The following PPFIBP1 variants were observed in gnomAD, a reference collection of about 807,000 sequenced individuals.
PPFIBP1 encodes liprin-beta-1.
In PPFIBP1, 112 loss-of-function variants were observed where a neutral mutation model predicts 137.8. That is an observed-to-expected ratio of 0.81 (90% confidence interval 0.70 to 0.95). The LOEUF is 0.95. PPFIBP1 is among the 40% of genes least tolerant of loss of function. The probability of loss-of-function intolerance (pLI) is 0.00; values close to 1 mark genes in which losing one functional copy is unlikely to be tolerated. For missense variants in PPFIBP1, 1,083 were observed against 1,196.6 expected, an observed-to-expected ratio of 0.91 and a Z score of 1.40; for synonymous variants, 378 against 417.3, an observed-to-expected ratio of 0.91 and a Z score of 1.15.
At chr12:27,676,743 A>T in intron 18 of PPFIBP1, 144 bp downstream of exon 18, 1 of 831,852 alleles carries the variant, frequency 1.2e-6, no homozygotes, top group Middle Eastern at 2.9e-4. Flanking sequence ...TTTAGCAAAA[A>T]ATGCCTCCGT....
chr12:27,690,422 A>C (rs991061416), intron 27 of PPFIBP1, among the ~76,000 whole-genome samples: 1 of 152,226 alleles, frequency 6.6e-6, no homozygotes, highest in Non-Finnish European at 1.5e-5. Context: ...CTGAGGGTCC[A>C]AGGTTCATGT....
chr12:27,528,577 C>T (rs1265028150), intron 1 of PPFIBP1, among the ~76,000 whole-genome samples: 1 of 152,106 alleles, frequency 6.6e-6, no homozygotes, highest in Non-Finnish European at 1.5e-5. Flanking sequence ...CTACAAAATA[C>T]ATAGAATCTT....
chr12:27,550,613 C>T (rs1246186336), intron 1 of PPFIBP1, among the ~76,000 whole-genome samples: 2 of 152,064 alleles, frequency 1.3e-5, no homozygotes, highest in South Asian at 2.1e-4. Context: ...ATAACTTGCC[C>T]GAGATCAAAC....
chr12:27,668,784 T>C (rs1437634233), intron 13 of PPFIBP1, among the ~76,000 whole-genome samples: 2 of 152,226 alleles, frequency 1.3e-5, no homozygotes, highest in Non-Finnish European at 2.9e-5. Flanking sequence ...CCTTTCATCA[T>C]TTTTCAGAGG....
intron 5 of PPFIBP1, 95 bp downstream of exon 5, chr12:27,646,243 C>A: frequency 2.1e-6 from 2 of 938,402 alleles, no homozygotes; most frequent in Non-Finnish European, 3.4e-6. Flanking sequence ...AGCAATCAGA[C>A]TGCTAATAGA....
At position 27,692,648 on chromosome 12, in the gene PPFIBP1, A is replaced by C. The variant is rs1303253394; in HGVS notation, c.2923A>C (p.Asn975His). The C allele has an allele frequency of 6.2e-7, 1 of 1,614,124 alleles. No homozygotes were observed. Among genetic ancestry groups the C allele is most frequent in the African/African-American group, 1.3e-5 (1 of 75,030 alleles). Residue 975 changes from asparagine to histidine, a missense_variant, in exon 29 of 30, where the codon AAT becomes CAT. Physicochemically the swap from Asn to His is moderately conservative, Grantham distance 68 (BLOSUM62 1). Transcript: ENST00000228425. ...QIGAFSEGIN[N>H]LTHMLKEDDM... Reference sequence around the variant, plus strand: ...AGGTGCATTCTCTGAAGGCATCAACAATCTGACGGTGAGTTTGTGAAATGA... The same window carrying C: ...AGGTGCATTCTCTGAAGGCATCAACCATCTGACGGTGAGTTTGTGAAATGA...
chr12:27,634,454 A>G (rs751347109), intron 3 of PPFIBP1, among the ~76,000 whole-genome samples: 1 of 152,146 alleles, frequency 6.6e-6, no homozygotes, highest in Non-Finnish European at 1.5e-5. Context: ...CATTGAGCTC[A>G]TTATCTTTCC....
intron 2 of PPFIBP1, among the ~76,000 whole-genome samples, chr12:27,629,434 T>C (rs1215926571): frequency 6.6e-6 from 1 of 152,200 alleles, no homozygotes; most frequent in Admixed American, 6.5e-5. Flanking sequence ...CTGTAAGTAA[T>C]TATTGCTCTA....
chr12:27,689,128 T>C lies in PPFIBP1; in HGVS notation c.2610T>C (p.Ala870=). 2 of 1,604,378 alleles carry C rather than the reference T, an allele frequency of 1.2e-6. No homozygotes were observed. The highest frequency in any genetic ancestry group is 1.7e-6 in the Non-Finnish European group (2 of 1,177,700). ...CTCATTTCAACCTTCTGATTGGGGCTGAGGCACAGCACCAGAAGCGAGATG... is the reference window on the plus strand; with the variant it reads ...CTCATTTCAACCTTCTGATTGGGGCCGAGGCACAGCACCAGAAGCGAGATG... ...LATHFNLLIG[A]EAQHQKRDAM... is the part of the protein sequence containing the mutation. Residue 870 remains alanine (A), a synonymous_variant, in exon 27 of 30, where the codon GCT becomes GCC. Coordinates refer to ENST00000228425, the MANE Select transcript of PPFIBP1 (RefSeq NM_003622.4).
chr12:27,559,331 G>T (rs1325521571), intron 1 of PPFIBP1, among the ~76,000 whole-genome samples: 1 of 152,018 alleles, frequency 6.6e-6, no homozygotes, highest in Non-Finnish European at 1.5e-5. Context: ...ACCAAGCCTG[G>T]CTAATTTTTG....
intron 2 of PPFIBP1, among the ~76,000 whole-genome samples, chr12:27,616,563 G>A (rs1398590181): frequency 6.6e-6 from 1 of 152,158 alleles, no homozygotes; most frequent in African/African-American, 2.4e-5. Flanking sequence ...TTGGGGCTGG[G>A]ATTTTTAGAT....
At chr12:27,679,795 T>TA in intron 20 of PPFIBP1, 138 bp from the exon 21 acceptor site, 1 of 1,376,418 alleles carries the variant, frequency 7.3e-7, no homozygotes, top group East Asian at 2.4e-5. Context: ...GGGTCTTAGT[T>TA]AAAGTTTAAA....
At chr12:27,576,534 G>T (rs1475047802) in intron 1 of PPFIBP1, among the ~76,000 whole-genome samples, 14 of 152,296 alleles carry the variant, frequency 9.2e-5, no homozygotes, top group Non-Finnish European at 1.3e-4. Flanking sequence ...CAGAGCAGGA[G>T]ATGAGGGGGC....
At chr12:27,525,513 G>GAAAAA (rs56656340) in intron 1 of PPFIBP1, among the ~76,000 whole-genome samples, 6 of 93,752 alleles carry the variant, frequency 6.4e-5, no homozygotes, top group Admixed American at 1.2e-4. Context: ...GAGCAGGAAG[G>GAAAAA]AAAAAAAAAA....
intron 1 of PPFIBP1, among the ~76,000 whole-genome samples, chr12:27,550,917 ATCAC>A (rs1243799454): frequency 2.0e-5 from 3 of 151,488 alleles, no homozygotes; most frequent in South Asian, 2.1e-4. Context: ...GTTGGTGTTT[ATCAC>A]TCACTTACTC....
chr12:27,534,008 A>G (rs1399558053), intron 1 of PPFIBP1, among the ~76,000 whole-genome samples: 1 of 152,154 alleles, frequency 6.6e-6, no homozygotes, highest in African/African-American at 2.4e-5. Flanking sequence ...AGAATGCAAA[A>G]AATTGAGGAC....
At chr12:27,530,585 C>A (rs933527361) in intron 1 of PPFIBP1, among the ~76,000 whole-genome samples, 3 of 152,244 alleles carry the variant, frequency 2.0e-5, no homozygotes, top group Non-Finnish European at 4.4e-5. Flanking sequence ...GTGGGAAAGA[C>A]ACAGCTGGAT....
At chr12:27,606,860 T>C (rs2137974719) in intron 2 of PPFIBP1, among the ~76,000 whole-genome samples, 1 of 152,326 alleles carries the variant, frequency 6.6e-6, no homozygotes, top group African/African-American at 2.4e-5. Flanking sequence ...GCTTAGAGTT[T>C]AGTTCGGTGC....
intron 2 of PPFIBP1, among the ~76,000 whole-genome samples, chr12:27,627,512 GC>G (rs1414967922): frequency 1.3e-5 from 2 of 152,130 alleles, no homozygotes; most frequent in African/African-American, 4.8e-5. Context: ...TCTCTTTCAA[GC>G]CCAAGCATTT....
Sources: allele counts gnomAD v4.1 joint callset (sites outside exome capture counted in the v4.1 genomes callset), GRCh38; gene constraint gnomAD v4.1.1; transcripts MANE v1.5; gene names NCBI Gene and HGNC (gene_info 2026-07-23, HGNC 2026-07-21).